RBM19: variants seen among roughly 807,000 people sequenced by gnomAD.
RBM19 encodes RNA binding motif protein 19, also known as probable RNA-binding protein 19.
A neutral mutation model predicts 116.8 loss-of-function variants in RBM19; 94 were observed. The ratio of observed to expected loss-of-function variants is 0.80; its 90% CI spans 0.68 to 0.95. The LOEUF (loss-of-function observed/expected upper bound fraction) is 0.95. Ranked by LOEUF, RBM19 falls within the 40% of genes least tolerant of loss-of-function variation. The pLI is 0.00. For missense variants in RBM19, 1,161 were observed against 1,220.7 expected, an observed-to-expected ratio of 0.95 and a Z score of 0.73; for synonymous variants, 475 against 494.1, an observed-to-expected ratio of 0.96 and a Z score of 0.51.
At chr12:113,915,917 C>T (rs9788061) in intron 20 of RBM19, among the ~76,000 whole-genome samples, 90,962 of 152,086 alleles carry the variant, frequency 0.6, 27,913 homozygotes, top group East Asian at 0.98. Flanking sequence ...TCCTCACAGG[C>T]CTTCCCTGTC....
intron 21 of RBM19, among the ~76,000 whole-genome samples, chr12:113,869,502 G>A (rs1159324523): frequency 6.6e-6 from 1 of 152,206 alleles, no homozygotes; most frequent in Admixed American, 6.5e-5. Context: ...GAAACACACA[G>A]TGGATGCTCT....
At chr12:113,930,536 A>G (rs1869512438) in intron 16 of RBM19, among the ~76,000 whole-genome samples, 1 of 152,220 alleles carries the variant, frequency 6.6e-6, no homozygotes, top group African/African-American at 2.4e-5. Flanking sequence ...ACTGTGAGGA[A>G]GGTGAAGACC....
At chr12:113,923,549 C>G (rs1170921861) in intron 18 of RBM19, among the ~76,000 whole-genome samples, 2 of 152,240 alleles carry the variant, frequency 1.3e-5, no homozygotes, top group Non-Finnish European at 2.9e-5. Context: ...CAAAACTCTT[C>G]TGTGTGTGTG....
intron 20 of RBM19, among the ~76,000 whole-genome samples, chr12:113,916,742 T>C (rs1882798862): frequency 6.6e-6 from 1 of 152,148 alleles, no homozygotes; most frequent in African/African-American, 2.4e-5. Context: ...CCAGCAGCCA[T>C]GTGAGTGTAT....
chr12:113,856,279 C>T (rs567844162), intron 22 of RBM19, among the ~76,000 whole-genome samples: 5 of 152,258 alleles, frequency 3.3e-5, no homozygotes, highest in Non-Finnish European at 5.9e-5. Context: ...GGAACATCCA[C>T]AGCCGGGCCT....
intron 21 of RBM19, among the ~76,000 whole-genome samples, chr12:113,862,832 G>A (rs1368794614): frequency 3.3e-5 from 5 of 152,096 alleles, no homozygotes; most frequent in Admixed American, 1.3e-4. Flanking sequence ...AGGACATACC[G>A]GGCTTTTAAA....
chr12:113,950,590 C>G (rs1167963758), intron 8 of RBM19, among the ~76,000 whole-genome samples: 1 of 152,176 alleles, frequency 6.6e-6, no homozygotes, highest in Non-Finnish European at 1.5e-5. Context: ...AAAAAACAAG[C>G]AAATGGGGGA....
chr12:113,905,967 C>A (rs1434878168), intron 21 of RBM19, among the ~76,000 whole-genome samples: 2 of 152,188 alleles, frequency 1.3e-5, no homozygotes, highest in Non-Finnish European at 2.9e-5. Flanking sequence ...ACAGACAACA[C>A]CAAGTGTGGA....
chr12:113,863,261 G>T (rs1593500521), intron 21 of RBM19, among the ~76,000 whole-genome samples: 1 of 151,672 alleles, frequency 6.6e-6, no homozygotes, highest in Non-Finnish European at 1.5e-5. Context: ...GGTGGGTGGG[G>T]ATTTCCTCTC....
At chr12:113,883,350 C>G (rs766876815) in intron 21 of RBM19, among the ~76,000 whole-genome samples, 1 of 152,210 alleles carries the variant, frequency 6.6e-6, no homozygotes. Context: ...CAGACAGAAC[C>G]CTCTTTGATG....
At chr12:113,875,965 G>A (rs1412459403) in intron 21 of RBM19, among the ~76,000 whole-genome samples, 2 of 152,048 alleles carry the variant, frequency 1.3e-5, no homozygotes, top group Non-Finnish European at 2.9e-5. Context: ...TGTGGTCACA[G>A]CTTTTTCTGA....
chr12:113,946,460 C>T lies in RBM19; in HGVS notation c.1423G>A (p.Val475Met), dbSNP rs373473247. ...TCCTTCTTGATGGTAGATGGTAACACGTGGAGCATCCTGCCCTGGATGGGA... is the reference window on the plus strand; with the variant it reads ...TCCTTCTTGATGGTAGATGGTAACATGTGGAGCATCCTGCCCTGGATGGGA... ...GQVFQGRMLH[V>M]LPSTIKKEAS... The change falls in exon 12 of 24, where the codon GTG (valine) becomes ATG (methionine). Residue 475 changes from valine to methionine, a missense_variant. Physicochemically the swap from Val to Met is conservative, Grantham distance 21. Coordinates refer to ENST00000261741, the MANE Select transcript of RBM19 (RefSeq NM_016196.4). 57 of 1,614,038 alleles carry T rather than the reference C, an allele frequency of 3.5e-5. No homozygotes were observed. Among genetic ancestry groups the T allele is most frequent in the Middle Eastern group, 1.6e-4 (1 of 6,084 alleles).
chr12:113,955,253 C>G (rs755078115), intron 6 of RBM19, 42 bp from the exon 7 acceptor site: 1 of 1,573,564 alleles, frequency 6.4e-7, no homozygotes, highest in Non-Finnish European at 8.7e-7. Flanking sequence ...CACACTAACC[C>G]TTCGTACAGC....
intron 21 of RBM19, among the ~76,000 whole-genome samples, chr12:113,886,334 T>C (rs1423465778): frequency 6.6e-6 from 1 of 152,148 alleles, no homozygotes; most frequent in East Asian, 1.9e-4. Context: ...AGTTTCACTA[T>C]GTTGTCCATG....
At chr12:113,846,378 C>T (rs1343084835) in intron 22 of RBM19, among the ~76,000 whole-genome samples, 2 of 152,172 alleles carry the variant, frequency 1.3e-5, no homozygotes, top group African/African-American at 2.4e-5. Context: ...CAAGAGGGGC[C>T]ATGTTGAGTC....
chr12:113,961,297 A>G (rs1483571749), intron 2 of RBM19, among the ~76,000 whole-genome samples: 1 of 152,104 alleles, frequency 6.6e-6, no homozygotes, highest in African/African-American at 2.4e-5. Flanking sequence ...AAGTGCTTGT[A>G]TTATAGGCAG....
At chr12:113,942,698 C>T (rs1870686200) in intron 13 of RBM19, among the ~76,000 whole-genome samples, 1 of 150,906 alleles carries the variant, frequency 6.6e-6, no homozygotes, top group Admixed American at 6.6e-5. Flanking sequence ...CAGCCTCAAT[C>T]TCCCAGACTC....
In RBM19 at chr12:113,940,363, G is replaced by A. The variant is rs149004787; in HGVS notation, c.1738-203C>T. Among the ~76,000 whole-genome samples, 6 of 152,018 alleles carry A rather than the reference G, an allele frequency of 3.9e-5. No individual in the cohort carries two copies. In the East Asian group the frequency reaches 5.8e-4, roughly 15 times the overall value. On this transcript the variant is annotated intron_variant, in intron 14 of 23. Transcript: ENST00000261741. ...GCTGCAAGGCAGCTCTGCAGAGGGG[G>A]TAAGGCCTGGGACTCTGAAGCTGGA...
intron 15 of RBM19, 44 bp from the exon 16 acceptor site, chr12:113,937,180 A>G (rs374430496): frequency 1.2e-6 from 2 of 1,609,260 alleles, no homozygotes; most frequent in African/African-American, 2.7e-5. Flanking sequence ...TCATTACAAC[A>G]CACTGCTGGG....
Sources: gnomAD v4.1 joint callset for allele counts (sites outside exome capture counted in the v4.1 genomes callset) on GRCh38, gnomAD v4.1.1 for gene constraint, MANE v1.5 for transcripts, NCBI Gene and HGNC (gene_info 2026-07-23, HGNC 2026-07-21) for gene names.